The following GOLPH3 variants were observed in gnomAD, a reference collection of about 807,000 sequenced individuals.
GOLPH3 encodes the protein golgi phosphoprotein 3.
Under a neutral mutation model 28.5 loss-of-function variants are expected in GOLPH3, and 14 were observed. The ratio of observed to expected loss-of-function variants is 0.49; its 90% CI spans 0.32 to 0.77. The LOEUF is 0.77. Among genes scored for constraint, GOLPH3 ranks in the 30% least tolerant of loss-of-function variants. The probability of loss-of-function intolerance (pLI) is 0.03; values close to 1 mark genes in which losing one functional copy is unlikely to be tolerated. For missense variants in GOLPH3, 350 were observed against 393.7 expected (o/e 0.89, Z 0.94); for synonymous variants, 158 against 159.2 (o/e 0.99, Z 0.06).
chr5:32,134,638 T>G (rs971574281), intron 3 of GOLPH3: 2 of 152,146 alleles, frequency 1.3e-5, no homozygotes, highest in Non-Finnish European at 2.9e-5. Context: ...TTCAAGGTTA[T>G]AGTGAGTTAG....
chr5:32,158,123 TAAATAAA>T lies in GOLPH3; in HGVS notation c.226-14250_226-14244del, dbSNP rs1561679131. 1.1e-3 allele frequency among the ~76,000 whole-genome samples: 97 copies of T among 86,666 alleles called. 7 individuals carry two copies. The highest frequency in any genetic ancestry group is 4.6e-3 in the African/African-American group (90 of 19,720). The allele number at this position is 86,666 out of a possible 152,430, so 56.9% of individuals were successfully genotyped here. On this transcript the variant is annotated intron_variant, in intron 1 of 3. Transcript: ENST00000265070. ...ATAAATAAATAAATAAATAAATAAATAAATAAAATACACACACACACACACACACACA... is the reference window on the plus strand; with the variant it reads ...ATAAATAAATAAATAAATAAATAAATATACACACACACACACACACACACA...
intron 1 of GOLPH3, among the ~76,000 whole-genome samples, chr5:32,168,260 A>G (rs1369044676): frequency 6.6e-6 from 1 of 152,236 alleles, no homozygotes; most frequent in African/African-American, 2.4e-5. Flanking sequence ...TATAGAAAGG[A>G]AAACAATTTT....
At chr5:32,131,558 G>C (rs2111837959) in intron 3 of GOLPH3, among the ~76,000 whole-genome samples, 1 of 152,312 alleles carries the variant, frequency 6.6e-6, no homozygotes, top group South Asian at 2.1e-4. Flanking sequence ...TAGATTAAAA[G>C]ACGTTACTGC....
chr5:32,163,979 T>A (rs569304968), intron 1 of GOLPH3, among the ~76,000 whole-genome samples: 1 of 152,284 alleles, frequency 6.6e-6, no homozygotes, highest in Admixed American at 6.5e-5. Context: ...TAGCAACTTT[T>A]ACATACAGTT....
At position 32,126,216 on chromosome 5, in the gene GOLPH3, T is replaced by C; in HGVS notation, c.893A>G (p.Lys298Arg). The C allele has an allele frequency of 6.2e-7, 1 of 1,608,982 alleles. No individual in the cohort carries two copies. Among genetic ancestry groups the C allele is most frequent in the Non-Finnish European group, 8.5e-7 (1 of 1,175,628 alleles). ...VLWAVVAAFT[K>R] ...AATGGTTCACCCCGAGCAGAGTTAC[T>C]TGGTGAACGCCGCCACCACCGCCCA... The change falls in exon 4 of 4, where the codon AAG becomes AGG. Residue 298 changes from lysine (K) to arginine (R), a missense_variant. Physicochemically the swap from Lys to Arg is conservative, Grantham distance 26 (BLOSUM62 2). Coordinates refer to ENST00000265070, the MANE Select transcript of GOLPH3 (RefSeq NM_022130.4).
At chr5:32,172,216 T>A (rs1467391433) in intron 1 of GOLPH3, among the ~76,000 whole-genome samples, 2 of 152,146 alleles carry the variant, frequency 1.3e-5, no homozygotes, top group Non-Finnish European at 2.9e-5. Flanking sequence ...AACCAAGATA[T>A]GGCAAATGCC....
intron 1 of GOLPH3, among the ~76,000 whole-genome samples, chr5:32,165,135 G>A (rs1746682386): frequency 1.3e-5 from 2 of 151,832 alleles, no homozygotes; most frequent in South Asian, 4.2e-4. Context: ...CCCTGCCTCA[G>A]GTAATCCCCT....
chr5:32,163,194 A>G (rs892626177), intron 1 of GOLPH3, among the ~76,000 whole-genome samples: 20 of 152,232 alleles, frequency 1.3e-4, no homozygotes, highest in African/African-American at 4.8e-4. Context: ...GGTGTCAAGA[A>G]CACAGCAGTC....
At chr5:32,166,852 T>C (rs979778624) in intron 1 of GOLPH3, among the ~76,000 whole-genome samples, 2 of 151,016 alleles carry the variant, frequency 1.3e-5, no homozygotes, top group Non-Finnish European at 2.9e-5. Context: ...TGTCTTTTTG[T>C]GCTGCTTCAA....
At chr5:32,163,961 A>G (rs764132554) in intron 1 of GOLPH3, among the ~76,000 whole-genome samples, 5 of 152,192 alleles carry the variant, frequency 3.3e-5, no homozygotes, top group Non-Finnish European at 5.9e-5. Flanking sequence ...CAGAGTAAAA[A>G]TAACCATTAG....
At chr5:32,169,025 G>A (rs1746775103) in intron 1 of GOLPH3, among the ~76,000 whole-genome samples, 1 of 151,548 alleles carries the variant, frequency 6.6e-6, no homozygotes, top group Admixed American at 6.6e-5. Flanking sequence ...TCTAATACCT[G>A]CACTTTGGGA....
chr5:32,155,560 T>C (rs1210820546), intron 1 of GOLPH3, among the ~76,000 whole-genome samples: 1 of 152,148 alleles, frequency 6.6e-6, no homozygotes, highest in East Asian at 1.9e-4. Context: ...AAACTCCCCT[T>C]AAGCATTTCA....
intron 3 of GOLPH3, 30 bp from the exon 4 acceptor site, chr5:32,126,666 G>A (rs545650752): frequency 6.3e-7 from 1 of 1,581,820 alleles, no homozygotes; most frequent in Admixed American, 1.8e-5. Context: ...AGTTAGAAAT[G>A]ATGAGTATTA....
intron 1 of GOLPH3, among the ~76,000 whole-genome samples, chr5:32,164,741 C>A (rs1043094843): frequency 3.3e-5 from 5 of 151,764 alleles, no homozygotes; most frequent in African/African-American, 4.8e-5. Flanking sequence ...AGTTTCACTC[C>A]CTTGGCAATG....
intron 1 of GOLPH3, among the ~76,000 whole-genome samples, chr5:32,159,813 T>A (rs1051733066): frequency 6.6e-6 from 1 of 152,178 alleles, no homozygotes; most frequent in East Asian, 1.9e-4. Flanking sequence ...TTAGAGAAAG[T>A]AAGAAATATG....
At position 32,158,136 on chromosome 5, in the gene GOLPH3, C is replaced by T. The variant is rs1479102856; in HGVS notation, c.226-14256G>A. On this transcript the variant is annotated intron_variant, in intron 1 of 3. Coordinates refer to ENST00000265070, the MANE Select transcript of GOLPH3 (RefSeq NM_022130.4). ...TAAATAAATAAATAAATAAAATACA[C>T]ACACACACACACACACACACACACA... Among the ~76,000 whole-genome samples the T allele has an allele frequency of 2.0e-3, 124 of 61,662 alleles. 13 individuals are homozygous for T. The highest frequency in any genetic ancestry group is 6.2e-3 in the African/African-American group (106 of 17,070). 40.5% of individuals were successfully genotyped at this position (61,662 alleles called of 152,430 possible). A position where few individuals can be genotyped will look rare whatever the true frequency, so the allele number is the denominator to read the frequency against.
chr5:32,142,715 C>T (rs1384291142), intron 2 of GOLPH3, among the ~76,000 whole-genome samples: 5 of 147,190 alleles, frequency 3.4e-5, no homozygotes, highest in South Asian at 4.3e-4. Flanking sequence ...ATCAGCCCCC[C>T]GCCTGGCCAG....
chr5:32,167,166 T>C (rs1278405410), intron 1 of GOLPH3, among the ~76,000 whole-genome samples: 1 of 152,066 alleles, frequency 6.6e-6, no homozygotes, highest in Admixed American at 6.6e-5. Flanking sequence ...AAAATACAAT[T>C]CTTTTGTTTT....
chr5:32,142,097 G>A (rs1296957047), intron 2 of GOLPH3, among the ~76,000 whole-genome samples: 1 of 151,202 alleles, frequency 6.6e-6, no homozygotes, highest in Non-Finnish European at 1.5e-5. Flanking sequence ...CCTCTGCCTG[G>A]CTGCCCAGTC....
Sources: allele counts gnomAD v4.1 joint callset (sites outside exome capture counted in the v4.1 genomes callset), GRCh38; gene constraint gnomAD v4.1.1; transcripts MANE v1.5; gene names NCBI Gene and HGNC (gene_info 2026-07-23, HGNC 2026-07-21).